RHOJ: variants seen among roughly 807,000 people sequenced by gnomAD.
RHOJ encodes ras homolog family member J, also known as rho-related GTP-binding protein RhoJ.
A neutral mutation model predicts 23.4 loss-of-function variants in RHOJ; 11 were observed. The observed-to-expected ratio is 0.47, with a 90% CI of 0.30 to 0.78. RHOJ has a LOEUF of 0.78. Among genes scored for constraint, RHOJ ranks in the 30% least tolerant of loss-of-function variants. The pLI is 0.08. For synonymous variants in RHOJ, 102 were observed against 102.7 expected (o/e 0.99, Z 0.04); for missense variants, 254 against 273.4 (o/e 0.93, Z 0.50).
intron 4 of RHOJ, among the ~76,000 whole-genome samples, chr14:63,288,832 C>T (rs1176994909): frequency 1.3e-5 from 2 of 152,084 alleles, no homozygotes; most frequent in African/African-American, 4.8e-5. Flanking sequence ...GTGTCTGGGC[C>T]CAACCAAAAC....
chr14:63,230,855 T>G (rs1324523695), intron 1 of RHOJ, among the ~76,000 whole-genome samples: 3 of 149,354 alleles, frequency 2.0e-5, no homozygotes, highest in African/African-American at 7.6e-5. Context: ...TTTTTTTTTT[T>G]TTTTAGATGG....
chr14:63,211,472 A>G (rs2356154), intron 1 of RHOJ, among the ~76,000 whole-genome samples: 79,829 of 151,964 alleles, frequency 0.53, 22,214 homozygotes, highest in South Asian at 0.77. Context: ...CTCTAAAAAA[A>G]AATTATGGAT....
At chr14:63,206,720 A>C (rs1894116893) in intron 1 of RHOJ, among the ~76,000 whole-genome samples, 1 of 152,272 alleles carries the variant, frequency 6.6e-6, no homozygotes, top group Admixed American at 6.5e-5. Flanking sequence ...AGGCTGAACC[A>C]CAACTAGATT....
At chr14:63,214,291 T>A (rs1301720788) in intron 1 of RHOJ, among the ~76,000 whole-genome samples, 2 of 152,224 alleles carry the variant, frequency 1.3e-5, no homozygotes, top group African/African-American at 4.8e-5. Flanking sequence ...GTAGAACTTG[T>A]GACACTGCTG....
chr14:63,235,248 G>A (rs2139625767), intron 1 of RHOJ, among the ~76,000 whole-genome samples: 1 of 151,226 alleles, frequency 6.6e-6, no homozygotes, highest in South Asian at 2.1e-4. Context: ...GGAAAAAAAA[G>A]GTGAAGAGAC....
At position 63,283,190 on chromosome 14, in the gene RHOJ, G is replaced by C. The variant is rs150345688; in HGVS notation, c.472G>C (p.Glu158Gln). The change falls in exon 4 of 5, where the codon GAG becomes CAG. Residue 158 changes from glutamate to glutamine, a missense_variant. Physicochemically the swap from Glu to Gln is conservative, Grantham distance 29. Coordinates refer to ENST00000316754, the MANE Select transcript of RHOJ (RefSeq NM_020663.5). ...TATGAAAGAGAAACCTCTCACTTAC[G>C]AGCATGGTGTGAAGCTCGCAAAAGC... ...LYMKEKPLTY[E>Q]HGVKLAKAIG... 27 of 1,613,994 alleles carry C rather than the reference G, an allele frequency of 1.7e-5. 1 individual carries two copies. The East Asian group carries it at 4.7e-4, about 28-fold the overall frequency.
At chr14:63,272,694 C>A (rs1205449081) in intron 2 of RHOJ, among the ~76,000 whole-genome samples, 2 of 152,210 alleles carry the variant, frequency 1.3e-5, no homozygotes, top group Non-Finnish European at 2.9e-5. Flanking sequence ...CTGAGATACT[C>A]CTGCCCCTCC....
chr14:63,210,033 CA>C (rs1484642928), intron 1 of RHOJ, among the ~76,000 whole-genome samples: 1 of 150,282 alleles, frequency 6.7e-6, no homozygotes, highest in East Asian at 2.0e-4. Context: ...AATCTCAGCT[CA>C]CTGTAACCTC....
At chr14:63,238,959 C>T (rs1429302888) in intron 1 of RHOJ, among the ~76,000 whole-genome samples, 2 of 152,120 alleles carry the variant, frequency 1.3e-5, no homozygotes, top group Non-Finnish European at 2.9e-5. Flanking sequence ...GAATTGCATC[C>T]CATGCTCATA....
At chr14:63,214,096 T>C (rs149955087) in intron 1 of RHOJ, among the ~76,000 whole-genome samples, 1 of 152,328 alleles carries the variant, frequency 6.6e-6, no homozygotes, top group African/African-American at 2.4e-5. Context: ...GCACCATGTT[T>C]AACTCCCTAT....
chr14:63,224,767 C>CA (rs1414916731), intron 1 of RHOJ, among the ~76,000 whole-genome samples: 2 of 151,960 alleles, frequency 1.3e-5, no homozygotes, highest in Non-Finnish European at 2.9e-5. Flanking sequence ...TTCCTGATTC[C>CA]CCTAGCATTC....
chr14:63,244,526 C>A (rs1330237696), intron 1 of RHOJ, among the ~76,000 whole-genome samples: 1 of 152,012 alleles, frequency 6.6e-6, no homozygotes, highest in Non-Finnish European at 1.5e-5. Flanking sequence ...TGTGGTGAGC[C>A]GAGATCACGC....
chr14:63,266,328 G>T (rs1895365941), intron 1 of RHOJ, among the ~76,000 whole-genome samples: 1 of 152,136 alleles, frequency 6.6e-6, no homozygotes, highest in Admixed American at 6.5e-5. Context: ...AAATTCCAAA[G>T]GGAGGAGAGT....
chr14:63,262,782 C>T (rs889573696), intron 1 of RHOJ, among the ~76,000 whole-genome samples: 14 of 152,222 alleles, frequency 9.2e-5, no homozygotes, highest in African/African-American at 3.4e-4. Context: ...ATGCCAGGAA[C>T]TGGCTGTGTA....
chr14:63,255,019 G>A (rs980422105), intron 1 of RHOJ, among the ~76,000 whole-genome samples: 7 of 152,052 alleles, frequency 4.6e-5, no homozygotes, highest in Non-Finnish European at 7.4e-5. Flanking sequence ...CTTTACTCAC[G>A]CTCTCAAATG....
In RHOJ at chr14:63,291,911, A is replaced by G. The variant is rs998414514; in HGVS notation, c.*887A>G. The G allele has an allele frequency of 6.6e-6, 1 of 152,414 alleles. No homozygotes were observed. Among genetic ancestry groups the G allele is most frequent in the Admixed American group, 6.5e-5 (1 of 15,276 alleles). 9.4% of individuals were successfully genotyped at this position (152,414 alleles called of 1,614,324 possible). On this transcript the variant is annotated 3_prime_UTR_variant, in exon 5 of 5. Transcript: ENST00000316754. ...GAATATGGCAGGATCCATCTTTTAC[A>G]GTATTTTGTATTCAGTAAAGTGGAC...
chr14:63,222,517 C>T (rs2139738877), intron 1 of RHOJ, among the ~76,000 whole-genome samples: 1 of 152,326 alleles, frequency 6.6e-6, no homozygotes, highest in African/African-American at 2.4e-5. Flanking sequence ...GATCACCATT[C>T]TAACTGGTGT....
In RHOJ at chr14:63,291,326, C is replaced by G; in HGVS notation, c.*302C>G. ...AAAGGCCATCTCACATTTTACAAATCCCCAGCTCATGAACGTGAAGCTGAT... is the reference window on the plus strand; with the variant it reads ...AAAGGCCATCTCACATTTTACAAATGCCCAGCTCATGAACGTGAAGCTGAT... On this transcript the variant is annotated 3_prime_UTR_variant, in exon 5 of 5. Transcript: ENST00000316754. The G allele has an allele frequency of 2.5e-6, 1 of 392,900 alleles. No individual in the cohort carries two copies. Among genetic ancestry groups the G allele is most frequent in the Non-Finnish European group, 4.8e-6 (1 of 209,144 alleles). 24.3% of individuals were successfully genotyped at this position (392,900 alleles called of 1,614,324 possible).
At chr14:63,289,360 T>C (rs1460669185) in intron 4 of RHOJ, among the ~76,000 whole-genome samples, 1 of 152,218 alleles carries the variant, frequency 6.6e-6, no homozygotes, top group Non-Finnish European at 1.5e-5. Flanking sequence ...CCCTATTGTC[T>C]TGCGCCAGCC....
Sources: allele counts gnomAD v4.1 joint callset (sites outside exome capture counted in the v4.1 genomes callset), GRCh38; gene constraint gnomAD v4.1.1; transcripts MANE v1.5; gene names NCBI Gene and HGNC (gene_info 2026-07-23, HGNC 2026-07-21).